CRPPA: variants seen among roughly 807,000 people sequenced by gnomAD.
CRPPA encodes the protein CDP-L-ribitol pyrophosphorylase A, also known as D-ribitol-5-phosphate cytidylyltransferase.
Under a neutral mutation model 52.0 loss-of-function variants are expected in CRPPA, and 43 were observed. The observed-to-expected ratio is 0.83, with a 90% CI of 0.65 to 1.07. The LOEUF is 1.07. Ranked by LOEUF, CRPPA falls within the 50% of genes least tolerant of loss-of-function variation. CRPPA has a pLI of 0.00. For missense variants in CRPPA, 629 were observed against 551.7 expected, an observed-to-expected ratio of 1.14 and a Z score of -1.40; for synonymous variants, 250 against 203.5, an observed-to-expected ratio of 1.23 and a Z score of -1.94.
At chr7:16,321,235 T>TAC in intron 3 of CRPPA, among the ~76,000 whole-genome samples, 1 of 152,280 alleles carries the variant, frequency 6.6e-6, no homozygotes, top group Non-Finnish European at 1.5e-5. Flanking sequence ...AACTGTCTTT[T>TAC]TAGACATTTC....
intron 9 of CRPPA, among the ~76,000 whole-genome samples, chr7:16,206,203 T>C (rs1781970498): frequency 6.6e-6 from 1 of 152,124 alleles, no homozygotes; most frequent in Admixed American, 6.5e-5. Flanking sequence ...AAATATTTTT[T>C]TTGTTACCTT....
chr7:16,388,751 C>T (rs1269941700), intron 2 of CRPPA, among the ~76,000 whole-genome samples: 1 of 152,132 alleles, frequency 6.6e-6, no homozygotes, highest in Non-Finnish European at 1.5e-5. Flanking sequence ...TGGTGCATGG[C>T]TGTAATCCCA....
chr7:16,155,260 G>A (rs1583394991), intron 9 of CRPPA, among the ~76,000 whole-genome samples: 1 of 152,058 alleles, frequency 6.6e-6, no homozygotes, highest in African/African-American at 2.4e-5. Flanking sequence ...TTATTTTAGA[G>A]GTGCAAAAAT....
intron 2 of CRPPA, among the ~76,000 whole-genome samples, chr7:16,403,933 A>G (rs1420571270): frequency 6.6e-6 from 1 of 152,174 alleles, no homozygotes. Flanking sequence ...ATGCAAATGA[A>G]TTTTGTCTAT....
intron 8 of CRPPA, 53 bp downstream of exon 8, chr7:16,258,337 G>T: frequency 1.8e-6 from 2 of 1,122,424 alleles, no homozygotes; most frequent in Non-Finnish European, 2.6e-6. Flanking sequence ...TGTACATTGA[G>T]TTACAAAGAA....
At chr7:16,179,534 T>A (rs1781370227) in intron 9 of CRPPA, among the ~76,000 whole-genome samples, 1 of 151,986 alleles carries the variant, frequency 6.6e-6, no homozygotes, top group Non-Finnish European at 1.5e-5. Flanking sequence ...GAGACTGAAG[T>A]CTTGTGCTTT....
intron 3 of CRPPA, among the ~76,000 whole-genome samples, chr7:16,360,663 G>A (rs1786419285): frequency 6.6e-6 from 1 of 152,148 alleles, no homozygotes; most frequent in Non-Finnish European, 1.5e-5. Context: ...CGGGAAAACT[G>A]AATATCCATA....
chr7:16,120,138 G>C (rs1782453161), intron 9 of CRPPA, among the ~76,000 whole-genome samples: 1 of 152,184 alleles, frequency 6.6e-6, no homozygotes, highest in African/African-American at 2.4e-5. Flanking sequence ...TATTTACAGA[G>C]TATTACTAAC....
intron 9 of CRPPA, among the ~76,000 whole-genome samples, chr7:16,127,702 GATATTGCCAA>G (rs1362495752): frequency 1.3e-5 from 2 of 152,022 alleles, no homozygotes; most frequent in Non-Finnish European, 2.9e-5. Flanking sequence ...GTAAAGCATG[GATATTGCCAA>G]ATTAAAACAC....
intron 9 of CRPPA, among the ~76,000 whole-genome samples, chr7:16,156,850 C>T (rs1012782613): frequency 6.6e-6 from 1 of 152,058 alleles, no homozygotes; most frequent in Non-Finnish European, 1.5e-5. Flanking sequence ...ATTTTTCATA[C>T]ATTTTAGGGG....
At chr7:16,409,720 G>C (rs1357215314) in intron 1 of CRPPA, among the ~76,000 whole-genome samples, 1 of 152,098 alleles carries the variant, frequency 6.6e-6, no homozygotes, top group Non-Finnish European at 1.5e-5. Context: ...TCATACAAGA[G>C]ACAAAAAGAT....
intron 8 of CRPPA, among the ~76,000 whole-genome samples, chr7:16,235,239 C>G (rs1213881656): frequency 2.6e-5 from 4 of 152,034 alleles, no homozygotes; most frequent in Non-Finnish European, 2.9e-5. Context: ...AACATTTAAA[C>G]TGCATGCATT....
chr7:16,266,020 C>A (rs116799785), intron 6 of CRPPA, among the ~76,000 whole-genome samples: 3 of 152,280 alleles, frequency 2.0e-5, no homozygotes, highest in African/African-American at 7.2e-5. Context: ...GACATCACAA[C>A]ACCCTTACCC....
rs113526054 is a variant in CRPPA, at chr7:16,324,882, A to C, written c.685-16255T>G. Among the ~76,000 whole-genome samples the C allele has an allele frequency of 2.0e-5, 3 of 152,202 alleles. No homozygotes were observed. The East Asian group carries it at 5.8e-4, about 29-fold the overall frequency. ...TACTTGTAATGTTTTACAGTTGACT[A>C]TACTACAGATATTGAGTACTCGCCC... On this transcript the variant is annotated intron_variant, in intron 3 of 9. Coordinates refer to ENST00000407010, the MANE Select transcript of CRPPA (RefSeq NM_001101426.4).
chr7:16,202,086 T>C (rs747826669), intron 9 of CRPPA, among the ~76,000 whole-genome samples: 1 of 152,178 alleles, frequency 6.6e-6, no homozygotes, highest in Non-Finnish European at 1.5e-5. Context: ...ACATCTCCTC[T>C]CCAACTATAG....
Position 16,306,500 on chromosome 7 carries a change from G to A in CRPPA, c.789+2023C>T, listed in dbSNP as rs145813846. Among the ~76,000 whole-genome samples the A allele has an allele frequency of 1.8e-4, 27 of 152,314 alleles. No homozygotes were observed. In the East Asian group the frequency reaches 5.2e-3, roughly 29 times the overall value. ...GAATGTAACATTCAGAGAGTAATGTGCTGCTTCCTTTTCATCCACAGATCT... is the reference window on the plus strand; with the variant it reads ...GAATGTAACATTCAGAGAGTAATGTACTGCTTCCTTTTCATCCACAGATCT... On this transcript the variant is annotated intron_variant, in intron 4 of 9. Transcript: ENST00000407010.
At chr7:16,104,596 T>C (rs1042131780) in intron 9 of CRPPA, among the ~76,000 whole-genome samples, 4 of 152,184 alleles carry the variant, frequency 2.6e-5, no homozygotes, top group Non-Finnish European at 1.5e-5. Context: ...TTAAATGTAT[T>C]TTGAATTAAA....
intron 5 of CRPPA, among the ~76,000 whole-genome samples, chr7:16,300,517 G>C (rs146573193): frequency 1.8e-3 from 274 of 152,258 alleles, no homozygotes; most frequent in Non-Finnish European, 3.1e-3. Context: ...TTTTAAAATA[G>C]TGGTTCTCTA....
At chr7:16,264,704 G>C (rs561568853) in intron 6 of CRPPA, among the ~76,000 whole-genome samples, 19 of 152,256 alleles carry the variant, frequency 1.2e-4, no homozygotes, top group African/African-American at 4.6e-4. Flanking sequence ...TTCAAACAAT[G>C]GCACAAGTGA....
Sources: gnomAD v4.1 joint callset for allele counts (sites outside exome capture counted in the v4.1 genomes callset) on GRCh38, gnomAD v4.1.1 for gene constraint, MANE v1.5 for transcripts, NCBI Gene and HGNC (gene_info 2026-07-23, HGNC 2026-07-21) for gene names.